AKT3: variants seen among roughly 807,000 people sequenced by gnomAD.
The protein encoded by AKT3 is RAC-gamma serine/threonine-protein kinase.
In AKT3, 15 loss-of-function variants were observed where a neutral mutation model predicts 65.3. The ratio of observed to expected loss-of-function variants is 0.23; its 90% confidence interval spans 0.15 to 0.35. AKT3 has a LOEUF of 0.35. AKT3 is among the 10% of genes least tolerant of loss of function. The pLI is 1.00. For synonymous variants in AKT3, 206 were observed against 183.8 expected (o/e 1.12, Z -0.98); for missense variants, 243 against 576.5 (o/e 0.42, Z 5.92).
At chr1:243,606,293 A>G (rs1013784235) in intron 8 of AKT3, among the ~76,000 whole-genome samples, 1 of 152,210 alleles carries the variant, frequency 6.6e-6, no homozygotes, top group African/African-American at 2.4e-5. Context: ...AAGACAGAAA[A>G]ACGTGAGAAA....
intron 2 of AKT3, among the ~76,000 whole-genome samples, chr1:243,729,092 T>A (rs1017015819): frequency 1.3e-5 from 2 of 152,158 alleles, no homozygotes; most frequent in Non-Finnish European, 2.9e-5. Flanking sequence ...ACTAGACTCT[T>A]CAGAGGAGTA....
chr1:243,534,125 ATATGG>A (rs1671742573), intron 12 of AKT3, among the ~76,000 whole-genome samples: 1 of 152,226 alleles, frequency 6.6e-6, no homozygotes, highest in Non-Finnish European at 1.5e-5. Context: ...AGATCTAACT[ATATGG>A]TCTACAAGAA....
intron 2 of AKT3, among the ~76,000 whole-genome samples, chr1:243,761,981 A>T (rs960898325): frequency 2.0e-5 from 3 of 152,102 alleles, no homozygotes; most frequent in African/African-American, 7.2e-5. Flanking sequence ...TGCTAGGACA[A>T]TTTCTAAACG....
intron 12 of AKT3, among the ~76,000 whole-genome samples, chr1:243,542,626 C>T (rs998925449): frequency 6.6e-6 from 1 of 152,140 alleles, no homozygotes; most frequent in African/African-American, 2.4e-5. Context: ...ATAAATTACA[C>T]ATTTTAAAGA....
intron 4 of AKT3, among the ~76,000 whole-genome samples, chr1:243,658,169 A>G (rs1026198422): frequency 1.2e-4 from 18 of 152,216 alleles, no homozygotes; most frequent in African/African-American, 4.3e-4. Context: ...AGAAAACTAC[A>G]GAATGAGAGA....
intron 4 of AKT3, among the ~76,000 whole-genome samples, chr1:243,661,113 G>A (rs1209530709): frequency 3.9e-5 from 6 of 152,094 alleles, no homozygotes; most frequent in Non-Finnish European, 7.4e-5. Context: ...AATCAATATC[G>A]TGAAAACGGC....
chr1:243,758,055 A>AT (rs1197183991), intron 2 of AKT3, among the ~76,000 whole-genome samples: 6 of 152,128 alleles, frequency 3.9e-5, no homozygotes, highest in African/African-American at 1.4e-4. Flanking sequence ...GAGCCACCAC[A>AT]CCCAGCTATC....
chr1:243,506,755 T>C (rs1244735280), intron 13 of AKT3, among the ~76,000 whole-genome samples: 1 of 152,222 alleles, frequency 6.6e-6, no homozygotes, highest in Non-Finnish European at 1.5e-5. Context: ...CCTCTCTTCT[T>C]CTGCAAATAG....
chr1:243,649,309 G>C (rs1041484176), intron 4 of AKT3, among the ~76,000 whole-genome samples: 1 of 62,098 alleles, frequency 1.6e-5, no homozygotes, highest in African/African-American at 3.8e-5. Context: ...TATGTTATGT[G>C]TATATGTGTG....
intron 9 of AKT3, among the ~76,000 whole-genome samples, chr1:243,572,622 A>T (rs555863729): frequency 1.3e-5 from 2 of 152,354 alleles, no homozygotes; most frequent in South Asian, 4.1e-4. Flanking sequence ...TTCTGTAAAC[A>T]TAATAAAACT....
Position 243,699,465 on chromosome 1 carries a change from CTATATATA to C in AKT3, c.47-3757_47-3750del, listed in dbSNP as rs58911364. 8.9e-3 allele frequency among the ~76,000 whole-genome samples: 920 copies of C among 103,432 alleles called. 21 individuals carry two copies. Among genetic ancestry groups the C allele is most frequent in the African/African-American group, 0.023 (477 of 20,322 alleles). The allele number at this position is 103,432 out of a possible 152,430, so 67.9% of individuals were successfully genotyped here. A position where few individuals can be genotyped will look rare whatever the true frequency, so the allele number is the denominator to read the frequency against. Reference sequence around the variant, plus strand: ...AAGACTTCCAACCCAACCTCTTCCACTATATATATATATATATATATATATATATATAT... The same window carrying C: ...AAGACTTCCAACCCAACCTCTTCCACTATATATATATATATATATATATAT... On this transcript the variant is annotated intron_variant, in intron 2 of 13. Coordinates refer to ENST00000673466, the MANE Select transcript of AKT3 (RefSeq NM_005465.7).
intron 9 of AKT3, among the ~76,000 whole-genome samples, chr1:243,570,927 T>C (rs1325859606): frequency 1.3e-5 from 2 of 152,232 alleles, no homozygotes; most frequent in East Asian, 1.9e-4. Context: ...CTGATATTCA[T>C]ATATAAAGTA....
In AKT3 at chr1:243,506,135, T is replaced by G. The variant is rs1206857698; in HGVS notation, c.1355-801A>C. On this transcript the variant is annotated intron_variant, in intron 13 of 13. Coordinates refer to ENST00000673466, the MANE Select transcript of AKT3 (RefSeq NM_005465.7). ...CACGTGGTCAGCCACTCAGTCAACATGCGCTCCCACGCATCTGCTCTGGGC... is the reference window on the plus strand; with the variant it reads ...CACGTGGTCAGCCACTCAGTCAACAGGCGCTCCCACGCATCTGCTCTGGGC... Among the ~76,000 whole-genome samples, 3 of 152,280 alleles carry G rather than the reference T, an allele frequency of 2.0e-5. 1 individual carries two copies. The highest frequency in any genetic ancestry group is 4.4e-5 in the Non-Finnish European group (3 of 68,052).
intron 6 of AKT3, among the ~76,000 whole-genome samples, chr1:243,632,732 A>G (rs1375465848): frequency 3.9e-5 from 6 of 152,306 alleles, no homozygotes; most frequent in South Asian, 4.1e-4. Context: ...ATTTAGCTAG[A>G]TATCTGGATA....
intron 3 of AKT3, among the ~76,000 whole-genome samples, chr1:243,666,906 A>G (rs372393640): frequency 7.9e-5 from 12 of 152,286 alleles, no homozygotes; most frequent in African/African-American, 2.9e-4. Context: ...AAACACAAAA[A>G]CTAAGAGCAT....
chr1:243,563,659 T>C (rs1271446979), intron 10 of AKT3, 61 bp downstream of exon 10: 3 of 1,528,070 alleles, frequency 2.0e-6, no homozygotes, highest in African/African-American at 1.4e-5. Flanking sequence ...AATGCTTAAA[T>C]GGTTTACTTT....
intron 12 of AKT3, 47 bp downstream of exon 12, chr1:243,545,463 G>T: frequency 9.3e-7 from 1 of 1,080,116 alleles, no homozygotes; most frequent in South Asian, 1.4e-5. Context: ...ATTCATTTTA[G>T]CAGTGCAGCC....
chr1:243,538,340 T>C (rs775581390), intron 12 of AKT3, among the ~76,000 whole-genome samples: 6 of 139,008 alleles, frequency 4.3e-5, no homozygotes, highest in Admixed American at 7.1e-5. Flanking sequence ...AATGGAACCA[T>C]AAAATATTCA....
chr1:243,577,392 C>A (rs1260140852), intron 8 of AKT3, among the ~76,000 whole-genome samples: 14 of 152,144 alleles, frequency 9.2e-5, no homozygotes, highest in Non-Finnish European at 2.1e-4. Flanking sequence ...AGTGATCTGC[C>A]CACTTCAGCC....
Sources: gnomAD v4.1 joint callset for allele counts (sites outside exome capture counted in the v4.1 genomes callset) on GRCh38, gnomAD v4.1.1 for gene constraint, MANE v1.5 for transcripts, NCBI Gene and HGNC (gene_info 2026-07-23, HGNC 2026-07-21) for gene names.